GAGE1: variants seen among roughly 807,000 people sequenced by gnomAD.
GAGE1 encodes G antigen 4.
Under a neutral mutation model 5.0 loss-of-function variants are expected in GAGE1, and 5 were observed. The observed-to-expected ratio is 1.00, with a 90% CI of 0.52 to 2.11. The LOEUF is 2.11. GAGE1 is among the 30% of genes most tolerant of loss of function. GAGE1 has a pLI of 0.01. For missense variants in GAGE1, 9 were observed against 38.9 expected, an observed-to-expected ratio of 0.23 and a Z score of 2.04; for synonymous variants, 6 against 14.8, an observed-to-expected ratio of 0.40 and a Z score of 1.37.
At position 49,608,057 on chromosome X, in the gene GAGE1, G is replaced by A. The variant is rs187997868; in HGVS notation, c.*2042G>A. Reference sequence around the variant, plus strand: ...GCTTTTGAAAGTGTTAAATGTACACGAACTGATGGTGTATATGATGATTTT... The same window carrying A: ...GCTTTTGAAAGTGTTAAATGTACACAAACTGATGGTGTATATGATGATTTT... On this transcript the variant is annotated 3_prime_UTR_variant, in exon 5 of 5. Coordinates refer to ENST00000381700, the MANE Select transcript of GAGE1 (RefSeq NM_001040663.4). 8.9e-6 allele frequency: 1 copy of A among 111,815 alleles called. No homozygotes were observed. Among genetic ancestry groups the A allele is most frequent in the East Asian group, 2.8e-4 (1 of 3,545 alleles). The allele number at this position is 111,815 out of a possible 1,213,427, so 9.2% of individuals were successfully genotyped here.
In GAGE1 at chrX:49,607,824, G is replaced by C. The variant is rs1224611511; in HGVS notation, c.*1809G>C. 1.8e-5 allele frequency: 2 copies of C among 111,435 alleles called. No individual in the cohort carries two copies. The highest frequency in any genetic ancestry group is 3.8e-5 in the Non-Finnish European group (2 of 53,179). 9.2% of individuals were successfully genotyped at this position (111,435 alleles called of 1,213,427 possible). ...ATGGCTCCATTTATTTTTAAAATAA[G>C]AGGAATTATTATAAAATTCCTATTT... On this transcript the variant is annotated 3_prime_UTR_variant, in exon 5 of 5. Transcript: ENST00000381700.
chrX:49,604,829 A>T (rs1329793127), intron 4 of GAGE1, among the ~76,000 whole-genome samples: 3 of 111,821 alleles, frequency 2.7e-5, no homozygotes, highest in Non-Finnish European at 3.8e-5. Context: ...TTTGTTTGCG[A>T]CGGAGTCTCA....
chrX:49,605,367 A>G (rs1419926770), intron 4 of GAGE1, among the ~76,000 whole-genome samples: 1 of 112,522 alleles, frequency 8.9e-6, no homozygotes, highest in Non-Finnish European at 1.9e-5. Context: ...TTCCTGAGTA[A>G]TCAACTGAAG....
intron 3 of GAGE1, among the ~76,000 whole-genome samples, chrX:49,602,613 G>C (rs1174780295): frequency 1.2e-5 from 1 of 86,260 alleles, no homozygotes; most frequent in East Asian, 3.3e-4. Context: ...TATTAATGCT[G>C]AATTGTTTCG....
chrX:49,605,651 C>G (rs2066653053), intron 4 of GAGE1, among the ~76,000 whole-genome samples: 1 of 111,581 alleles, frequency 9.0e-6, no homozygotes, highest in Non-Finnish European at 1.9e-5. Flanking sequence ...GTGGCTCACG[C>G]CTGTAATCCC....
intron 4 of GAGE1, among the ~76,000 whole-genome samples, chrX:49,604,251 C>T (rs1602749981): frequency 1.8e-5 from 2 of 112,483 alleles, no homozygotes; most frequent in South Asian, 3.7e-4. Flanking sequence ...GGCCCCAGCA[C>T]CCGAGTGATA....
Position 49,607,797 on chromosome X carries a change from C to G in GAGE1, c.*1782C>G, listed in dbSNP as rs2066667205. Reference sequence around the variant, plus strand: ...ACCCTAGATCTGTGTATAATTATGACAATGGCTCCATTTATTTTTAAAATA... The same window carrying G: ...ACCCTAGATCTGTGTATAATTATGAGAATGGCTCCATTTATTTTTAAAATA... On this transcript the variant is annotated 3_prime_UTR_variant, in exon 5 of 5. Transcript: ENST00000381700. 3 of 111,535 alleles carry G rather than the reference C, an allele frequency of 2.7e-5. 1 individual carries two copies. The South Asian group carries it at 1.1e-3, about 42-fold the overall frequency. The allele number at this position is 111,535 out of a possible 1,213,427, so 9.2% of individuals were successfully genotyped here. A position where few individuals can be genotyped will look rare whatever the true frequency, so the allele number is the denominator to read the frequency against.
chrX:49,601,777 C>G (rs201059965), intron 3 of GAGE1, among the ~76,000 whole-genome samples: 22 of 47,282 alleles, frequency 4.7e-4, no homozygotes, highest in Non-Finnish European at 7.2e-4. Context: ...TTTATTTGAA[C>G]AAAGTGAAGT....
chrX:49,602,444 C>T (rs1220478915), intron 3 of GAGE1, among the ~76,000 whole-genome samples: 4 of 77,411 alleles, frequency 5.2e-5, no homozygotes, highest in Non-Finnish European at 1.3e-4. Flanking sequence ...AGAAAATTTG[C>T]AAGAATAGTA....
intron 4 of GAGE1, among the ~76,000 whole-genome samples, chrX:49,604,333 C>G (rs1183231484): frequency 4.5e-5 from 5 of 112,310 alleles, no homozygotes; most frequent in East Asian, 2.8e-4. Context: ...AATCCTCAAA[C>G]CAGTAGCTCA....
At chrX:49,605,950 T>TA in intron 4 of GAGE1, 43 bp from the exon 5 acceptor site, 6 of 833,232 alleles carry the variant, frequency 7.2e-6, no homozygotes, top group Non-Finnish European at 9.6e-6. Flanking sequence ...ATAATAATAA[T>TA]CTGTTGCTCT....
chrX:49,604,512 T>C (rs183884949), intron 4 of GAGE1, among the ~76,000 whole-genome samples: 249 of 112,353 alleles, frequency 2.2e-3, no homozygotes, highest in Middle Eastern at 0.014. Context: ...AACCTATCTT[T>C]GGTTGTTATG....
At position 49,607,506 on chromosome X, in the gene GAGE1, G is replaced by A. The variant is rs782756029; in HGVS notation, c.*1491G>A. ...CAAGGCTGTGAGTAATGCAGGGCTA[G>A]GCTTTCCCATAATGAGCTTTTCTAG... On this transcript the variant is annotated 3_prime_UTR_variant, in exon 5 of 5. Coordinates refer to ENST00000381700, the MANE Select transcript of GAGE1 (RefSeq NM_001040663.4). 5.4e-5 allele frequency: 6 copies of A among 111,120 alleles called. No homozygotes were observed. Among genetic ancestry groups the A allele is most frequent in the Non-Finnish European group, 9.4e-5 (5 of 53,073 alleles). The allele number at this position is 111,120 out of a possible 1,213,427, so 9.2% of individuals were successfully genotyped here. A position where few individuals can be genotyped will look rare whatever the true frequency, so the allele number is the denominator to read the frequency against.
intron 4 of GAGE1, among the ~76,000 whole-genome samples, chrX:49,605,762 T>C (rs2066654102): frequency 9.1e-6 from 1 of 110,257 alleles, no homozygotes; most frequent in African/African-American, 3.3e-5. Flanking sequence ...TACAAAAAAT[T>C]AGCCCTTGTG....
At chrX:49,604,175 G>C (rs1341934127) in intron 4 of GAGE1, among the ~76,000 whole-genome samples, 1 of 112,620 alleles carries the variant, frequency 8.9e-6, no homozygotes, top group Non-Finnish European at 1.9e-5. Flanking sequence ...TTTAGTAAGA[G>C]AGAGTTAACA....
At chrX:49,602,842 CG>C (rs1269342586) in intron 3 of GAGE1, among the ~76,000 whole-genome samples, 2 of 103,773 alleles carry the variant, frequency 1.9e-5, no homozygotes, top group Non-Finnish European at 4.0e-5. Flanking sequence ...TTTGTTGAGA[CG>C]GAGTCTCTCT....
At chrX:49,604,733 T>G (rs1159133498) in intron 4 of GAGE1, among the ~76,000 whole-genome samples, 1 of 112,215 alleles carries the variant, frequency 8.9e-6, no homozygotes, top group Non-Finnish European at 1.9e-5. Context: ...GCACTCTGCT[T>G]CATCCTAGTT....
At chrX:49,604,948 C>A (rs782761147) in intron 4 of GAGE1, 2 of 575,363 alleles carry the variant, frequency 3.5e-6, no homozygotes, top group Non-Finnish European at 5.1e-6. Flanking sequence ...GCTGGAACTA[C>A]ATGCACAAGC....
chrX:49,604,195 C>G (rs1192740842), intron 4 of GAGE1, among the ~76,000 whole-genome samples: 1 of 112,531 alleles, frequency 8.9e-6, no homozygotes, highest in Non-Finnish European at 1.9e-5. Flanking sequence ...AATACTGCCT[C>G]TTTAGTAAAG....
Sources: gnomAD v4.1 joint callset for allele counts (sites outside exome capture counted in the v4.1 genomes callset) on GRCh38, gnomAD v4.1.1 for gene constraint, MANE v1.5 for transcripts, NCBI Gene and HGNC (gene_info 2026-07-23, HGNC 2026-07-21) for gene names.